Variants in OR6N1 observed in about 807,000 individuals in gnomAD.
OR6N1 encodes the protein olfactory receptor 6N1.
For synonymous variants in OR6N1, 170 were observed against 150.7 expected, an observed-to-expected ratio of 1.13 and a Z score of -0.94; for missense variants, 394 against 371.7, an observed-to-expected ratio of 1.06 and a Z score of -0.49.
upstream of OR6N1, chr1:158,774,663 A>G (rs1224480835): frequency 6.6e-6 from 1 of 152,238 alleles, no homozygotes; most frequent in African/African-American, 2.4e-5. Flanking sequence ...CATGTTAAAA[A>G]TGAATATTAT....
chr1:158,832,066 T>C, the OR6N1 span, among the ~76,000 whole-genome samples: 1 of 152,190 alleles, frequency 6.6e-6, no homozygotes, highest in Admixed American at 6.5e-5. Context: ...TTTTCATGAA[T>C]CAGTTTCATT....
At chr1:158,790,397 G>A in the OR6N1 span, among the ~76,000 whole-genome samples, 824 of 143,626 alleles carry the variant, frequency 5.7e-3, 8 homozygotes, top group African/African-American at 0.021. Flanking sequence ...ATTTTGATAG[G>A]GAATTTTTTT....
chr1:158,776,904 A>G (rs754092153), upstream of OR6N1: 1 of 1,614,016 alleles, frequency 6.2e-7, no homozygotes, highest in Non-Finnish European at 8.5e-7. Context: ...CCACAGCAAG[A>G]TGTGAGGCAC....
At chr1:158,834,027 T>A in the OR6N1 span, among the ~76,000 whole-genome samples, 1 of 152,188 alleles carries the variant, frequency 6.6e-6, no homozygotes. Flanking sequence ...TTTCTGTAGT[T>A]ATTTTTTTGA....
chr1:158,823,548 G>A, the OR6N1 span, among the ~76,000 whole-genome samples: 1 of 151,920 alleles, frequency 6.6e-6, no homozygotes, highest in South Asian at 2.1e-4. Context: ...GTGGGCTATT[G>A]ATTATGGCAC....
the OR6N1 span, among the ~76,000 whole-genome samples, chr1:158,794,770 C>G: frequency 6.6e-6 from 1 of 152,180 alleles, no homozygotes; most frequent in Non-Finnish European, 1.5e-5. Flanking sequence ...GAAGTTTCCT[C>G]CTTCCTAAAC....
In OR6N1 at chr1:158,764,643, G is replaced by A. The variant is rs998804693; in HGVS notation, c.*1101C>T. 43 of 152,100 alleles carry A rather than the reference G, an allele frequency of 2.8e-4. No homozygotes were observed. Among genetic ancestry groups the A allele is most frequent in the African/African-American group, 9.6e-4 (40 of 41,522 alleles). 9.4% of individuals were successfully genotyped at this position (152,100 alleles called of 1,614,324 possible). ...AATATTTGATCCTCCATTCATGGAA[G>A]GATACATAAAGAATACATAATATTA... On this transcript the variant is annotated 3_prime_UTR_variant, in exon 2 of 2. Transcript: ENST00000641846.
chr1:158,794,699 G>A, the OR6N1 span, among the ~76,000 whole-genome samples: 5,581 of 152,280 alleles, frequency 0.037, 353 homozygotes, highest in African/African-American at 0.13. Context: ...CATGTGGATA[G>A]ATTCAAGACC....
chr1:158,777,431 A>G, the OR6N1 span: 5 of 1,614,208 alleles, frequency 3.1e-6, no homozygotes, highest in Non-Finnish European at 4.2e-6. Flanking sequence ...CACAACTCCA[A>G]GAAGGAAAGA....
rs6666753 is a variant in OR6N1, at chr1:158,766,425, G to A, written c.258C>T (p.Leu86=). The part of the protein sequence containing the change: ...ATIPKMLANL[L]SEKKTISFSG... ...AGAATGAAATGGTCTTTTTCTCACT[G>A]AGCAAGTTTGCCAGCATCTTAGGGA... Residue 86 remains leucine, a synonymous_variant, in exon 2 of 2, where the codon CTC becomes CTT. Transcript: ENST00000641846. The A allele has an allele frequency of 0.91, 1,460,718 of 1,613,964 alleles. 666,826 individuals carry two copies. The highest frequency in any genetic ancestry group is 0.95 in the Admixed American group (57,068 of 60,022).
chr1:158,796,326 A>G, the OR6N1 span: 1 of 152,218 alleles, frequency 6.6e-6, no homozygotes, highest in African/African-American at 2.4e-5. Flanking sequence ...TTCTTTGCTC[A>G]TGCTCAGCTC....
chr1:158,814,287 T>C, the OR6N1 span, among the ~76,000 whole-genome samples: 1 of 152,190 alleles, frequency 6.6e-6, no homozygotes, highest in East Asian at 1.9e-4. Flanking sequence ...TCTCTCTGTG[T>C]GTATATATGT....
chr1:158,765,584 A>G lies in OR6N1; in HGVS notation c.*160T>C. 1.6e-6 allele frequency: 1 copy of G among 627,068 alleles called. No individual in the cohort carries two copies. The highest frequency in any genetic ancestry group is 2.7e-5 in the East Asian group (1 of 37,134). 38.8% of individuals were successfully genotyped at this position (627,068 alleles called of 1,614,324 possible). ...GCCAAATGTGGCTCCAGCAGACAGT[A>G]TGAAGGTCGCTATAACACTGGAAGT... is the stretch of plus-strand genomic sequence containing the variant. On this transcript the variant is annotated 3_prime_UTR_variant, in exon 2 of 2. Coordinates refer to ENST00000641846, the MANE Select transcript of OR6N1 (RefSeq NM_001005185.2).
the OR6N1 span, among the ~76,000 whole-genome samples, chr1:158,829,390 C>T: frequency 6.6e-6 from 1 of 152,136 alleles, no homozygotes; most frequent in Non-Finnish European, 1.5e-5. Context: ...TACCCTAAAT[C>T]ATCTCTCTCA....
chr1:158,804,545 T>C, the OR6N1 span, among the ~76,000 whole-genome samples: 2 of 152,232 alleles, frequency 1.3e-5, no homozygotes, highest in African/African-American at 2.4e-5. Flanking sequence ...ATTCAGCATG[T>C]TCAAATTTTC....
At chr1:158,811,938 A>C in the OR6N1 span, among the ~76,000 whole-genome samples, 3 of 152,210 alleles carry the variant, frequency 2.0e-5, no homozygotes, top group African/African-American at 7.2e-5. Context: ...GTAAAAAACT[A>C]TCCAGGTGCT....
At chr1:158,788,573 A>G in the OR6N1 span, among the ~76,000 whole-genome samples, 1 of 152,184 alleles carries the variant, frequency 6.6e-6, no homozygotes, top group African/African-American at 2.4e-5. Context: ...TTTGAGGGAT[A>G]CATGTGATAC....
At chr1:158,823,918 C>T in the OR6N1 span, among the ~76,000 whole-genome samples, 1 of 152,056 alleles carries the variant, frequency 6.6e-6, no homozygotes, top group Admixed American at 6.5e-5. Flanking sequence ...ATCTTTGTTC[C>T]AATTCATTTT....
the OR6N1 span, chr1:158,831,294 C>A: frequency 6.6e-6 from 1 of 152,154 alleles, no homozygotes. Flanking sequence ...GGCTGATAGG[C>A]GTGGCTTCAA....
Sources: allele counts gnomAD v4.1 joint callset (sites outside exome capture counted in the v4.1 genomes callset), GRCh38; gene constraint gnomAD v4.1.1; transcripts MANE v1.5; gene names NCBI Gene and HGNC (gene_info 2026-07-23, HGNC 2026-07-21).